Variants in FAT3 observed in about 807,000 individuals in gnomAD.
FAT3 encodes the protein protocadherin Fat 3.
FAT3 carries 95 observed loss-of-function variants against 310.2 expected under a neutral mutation model. That is an observed-to-expected ratio of 0.31 (90% CI 0.26 to 0.36). The LOEUF (loss-of-function observed/expected upper bound fraction) is 0.36, where lower values mean the gene tolerates loss of function less well. FAT3 is among the 10% of genes least tolerant of loss of function. The probability of loss-of-function intolerance (pLI) is 1.00; values close to 1 mark genes in which losing one functional copy is unlikely to be tolerated. For missense variants in FAT3, 5,408 were observed against 5,715.6 expected, an observed-to-expected ratio of 0.95 and a Z score of 1.74; for synonymous variants, 2,314 against 2,192.9, an observed-to-expected ratio of 1.06 and a Z score of -1.54.
At chr11:92,602,398 T>G (rs2135592087) in intron 3 of FAT3, among the ~76,000 whole-genome samples, 1 of 152,316 alleles carries the variant, frequency 6.6e-6, no homozygotes, top group South Asian at 2.1e-4. Flanking sequence ...CCACATCACC[T>G]GGCCTACCTT....
intron 1 of FAT3, among the ~76,000 whole-genome samples, chr11:92,264,681 GA>G (rs1184360436): frequency 6.6e-6 from 1 of 152,118 alleles, no homozygotes; most frequent in East Asian, 1.9e-4. Flanking sequence ...CTGACTTCGT[GA>G]GAGAAGTGAC....
chr11:92,351,049 C>A (rs1298465431), intron 1 of FAT3, among the ~76,000 whole-genome samples: 2 of 152,112 alleles, frequency 1.3e-5, no homozygotes. Context: ...TCTTTTAACC[C>A]ACATAGTCAT....
intron 13 of FAT3, among the ~76,000 whole-genome samples, chr11:92,816,187 A>G (rs1175657273): frequency 6.6e-6 from 1 of 152,212 alleles, no homozygotes. Flanking sequence ...TGGAAAGATG[A>G]GTGTTAGCCA....
chr11:92,358,481 A>G (rs1163231907), intron 2 of FAT3, among the ~76,000 whole-genome samples: 3 of 151,856 alleles, frequency 2.0e-5, no homozygotes, highest in African/African-American at 4.8e-5. Context: ...TTATTATTTC[A>G]TTCTGTTCCC....
intron 2 of FAT3, among the ~76,000 whole-genome samples, chr11:92,386,433 A>G (rs758289110): frequency 2.6e-5 from 4 of 152,358 alleles, no homozygotes; most frequent in East Asian, 3.9e-4. Flanking sequence ...GAATGAATGC[A>G]TACATGAAAC....
intron 27 of FAT3, among the ~76,000 whole-genome samples, chr11:92,890,111 C>T (rs1253845237): frequency 6.6e-6 from 1 of 152,196 alleles, no homozygotes; most frequent in Non-Finnish European, 1.5e-5. Context: ...CTTCCTGCCT[C>T]CTGTGGTCCA....
chr11:92,840,071 T>A (rs1352693579), intron 17 of FAT3, among the ~76,000 whole-genome samples: 1 of 152,182 alleles, frequency 6.6e-6, no homozygotes, highest in Non-Finnish European at 1.5e-5. Flanking sequence ...TATGCCTTTG[T>A]ATATTGACTA....
chr11:92,750,912 C>A (rs1362894280), intron 4 of FAT3, among the ~76,000 whole-genome samples: 1 of 152,178 alleles, frequency 6.6e-6, no homozygotes, highest in Admixed American at 6.5e-5. Flanking sequence ...TTGGTAGTGA[C>A]AGCTGTCTGG....
In FAT3 at chr11:92,471,915, C is replaced by CTATATATA. The variant is rs140886151; in HGVS notation, c.3293-52685_3293-52678dup. Among the ~76,000 whole-genome samples, 728 of 124,748 alleles carry CTATATATA rather than the reference C, an allele frequency of 5.8e-3. 1 individual carries two copies. The highest frequency in any genetic ancestry group is 7.5e-3 in the South Asian group (27 of 3,586). The allele number at this position is 124,748 out of a possible 152,430, so 81.8% of individuals were successfully genotyped here. ...TTCAAAAGACCCTACTTTTCATATGCTATATATATATATATATATATATAT... is the reference window on the plus strand; with the variant it reads ...TTCAAAAGACCCTACTTTTCATATGCTATATATATATATATATATATATATATATATAT... On this transcript the variant is annotated intron_variant, in intron 2 of 27. Transcript: ENST00000525166.
At chr11:92,281,714 G>A (rs1206030154) in intron 1 of FAT3, among the ~76,000 whole-genome samples, 1 of 152,150 alleles carries the variant, frequency 6.6e-6, no homozygotes, top group Non-Finnish European at 1.5e-5. Context: ...GGCTTCTCTG[G>A]ATTTAGTCAG....
intron 1 of FAT3, among the ~76,000 whole-genome samples, chr11:92,297,972 T>C (rs1946894642): frequency 6.6e-6 from 1 of 152,146 alleles, no homozygotes. Flanking sequence ...TAAACCAGCA[T>C]TGGCCTGTCT....
Position 92,883,266 on chromosome 11 carries a change from G to T in FAT3, c.12810G>T (p.Ser4270=), listed in dbSNP as rs768838868. 7 of 1,612,686 alleles carry T rather than the reference G, an allele frequency of 4.3e-6. No individual in the cohort carries two copies. Among genetic ancestry groups the T allele is most frequent in the Non-Finnish European group, 5.1e-6 (6 of 1,179,836 alleles). ...HQEMTTFHPE[S]PRILTARRGV... ...AAATGACCACGTTTCACCCTGAGTCGCCCCGCATCCTGACAGCCCGGCGGG... is the reference window on the plus strand; with the variant it reads ...AAATGACCACGTTTCACCCTGAGTCTCCCCGCATCCTGACAGCCCGGCGGG... The change falls in exon 24 of 28, where the codon TCG becomes TCT. Residue 4270 remains serine (S), a synonymous_variant. Transcript: ENST00000525166. The surrounding 1 kb of genome is among the most constrained non-coding windows in gnomAD (Gnocchi z 4.2).
At chr11:92,868,057 C>T (rs1949292955) in intron 22 of FAT3, among the ~76,000 whole-genome samples, 1 of 152,132 alleles carries the variant, frequency 6.6e-6, no homozygotes, top group African/African-American at 2.4e-5. Flanking sequence ...CAGACATGCT[C>T]CCGGTTGAAG....
rs75293934 is a variant in FAT3, at chr11:92,823,229, C to T, written c.9482-8393C>T. 1.6e-3 allele frequency among the ~76,000 whole-genome samples: 240 copies of T among 152,212 alleles called. 1 individual carries two copies. The highest frequency in any genetic ancestry group is 5.4e-3 in the African/African-American group (224 of 41,520). On this transcript the variant is annotated intron_variant, in intron 13 of 27. Coordinates refer to ENST00000525166, the MANE Select transcript of FAT3 (RefSeq NM_001367949.2). ...CCATATAGAAAACCCGTTGCATGAT[C>T]GTTGGGTAGCTATCCAGCACAGACA...
At chr11:92,525,022 T>C in intron 3 of FAT3, 74 bp downstream of exon 3, 9 of 1,208,888 alleles carry the variant, frequency 7.4e-6, no homozygotes, top group Non-Finnish European at 9.4e-6. Context: ...ACACTTTCTG[T>C]ACTCATTTAC....
rs147034513 is a variant in FAT3 at position 92,477,095 on chromosome 11, T to C, written c.3293-47539T>C. On this transcript the variant is annotated intron_variant, in intron 2 of 27. Transcript: ENST00000525166. ...CCTGATGGTAAGTTCGTTAATGAAC[T>C]TTAGTAGTGAATCCAACGGGACCAT... 3.9e-5 allele frequency among the ~76,000 whole-genome samples: 6 copies of C among 152,366 alleles called. No individual in the cohort carries two copies. In the East Asian group the frequency reaches 1.2e-3, roughly 29 times the overall value.
At chr11:92,475,835 A>T (rs184625161) in intron 2 of FAT3, among the ~76,000 whole-genome samples, 229 of 152,300 alleles carry the variant, frequency 1.5e-3, no homozygotes, top group African/African-American at 5.1e-3. Context: ...TCAAATATAA[A>T]TTTAAATTTA....
intron 1 of FAT3, among the ~76,000 whole-genome samples, chr11:92,250,006 G>A (rs926571797): frequency 6.6e-5 from 10 of 152,030 alleles, no homozygotes; most frequent in South Asian, 4.1e-4. Flanking sequence ...GAGGTGATAC[G>A]TATGATTTCT....
At chr11:92,496,317 CCTT>C (rs1952762106) in intron 2 of FAT3, among the ~76,000 whole-genome samples, 1 of 151,998 alleles carries the variant, frequency 6.6e-6, no homozygotes, top group Non-Finnish European at 1.5e-5. Flanking sequence ...GTGTCATAAA[CCTT>C]CTCCATCTGT....
Sources: allele counts gnomAD v4.1 joint callset (sites outside exome capture counted in the v4.1 genomes callset), GRCh38; gene constraint gnomAD v4.1.1; non-coding constraint Gnocchi (gnomAD v3.1); transcripts MANE v1.5; gene names NCBI Gene and HGNC (gene_info 2026-07-23, HGNC 2026-07-21).